The following FOXP1 variants were observed in gnomAD, a reference collection of about 807,000 sequenced individuals.
FOXP1 encodes the protein forkhead box protein P1.
FOXP1 carries 15 observed loss-of-function variants against 98.2 expected under a neutral mutation model. The ratio of observed to expected loss-of-function variants is 0.15; its 90% CI spans 0.10 to 0.24. The LOEUF is 0.24. Ranked by LOEUF, FOXP1 falls within the 10% of genes least tolerant of loss-of-function variation. The pLI is 1.00. For synonymous variants in FOXP1, 371 were observed against 314.5 expected, an observed-to-expected ratio of 1.18 and a Z score of -1.90; for missense variants, 633 against 848.5, an observed-to-expected ratio of 0.75 and a Z score of 3.15.
intron 2 of FOXP1, among the ~76,000 whole-genome samples, chr3:71,539,403 G>A (rs1578086857): frequency 2.0e-5 from 3 of 150,546 alleles, no homozygotes; most frequent in East Asian, 3.9e-4. Flanking sequence ...TTACAGGCGT[G>A]AGCCGCCGCG....
intron 3 of FOXP1, among the ~76,000 whole-genome samples, chr3:71,459,474 T>G (rs1342168055): frequency 2.6e-5 from 4 of 152,236 alleles, no homozygotes; most frequent in African/African-American, 9.6e-5. Context: ...GGGGAACAGA[T>G]GATGGAGTCT....
At chr3:71,293,404 C>A (rs1317770279) in intron 5 of FOXP1, among the ~76,000 whole-genome samples, 1 of 151,916 alleles carries the variant, frequency 6.6e-6, no homozygotes, top group Non-Finnish European at 1.5e-5. Context: ...GAGTTCGGGG[C>A]TGCAGTAAGC....
chr3:71,288,653 C>A (rs2072425900), intron 5 of FOXP1, among the ~76,000 whole-genome samples: 1 of 152,206 alleles, frequency 6.6e-6, no homozygotes, highest in Non-Finnish European at 1.5e-5. Context: ...TCCAAACCAT[C>A]AGATTAGAGA....
intron 19 of FOXP1, among the ~76,000 whole-genome samples, chr3:70,967,645 G>GTTT (rs905310255): frequency 3.5e-5 from 2 of 57,562 alleles, no homozygotes; most frequent in Admixed American, 1.7e-4. Context: ...CTTTCTTTTT[G>GTTT]TTTTTTTTTT....
intron 5 of FOXP1, among the ~76,000 whole-genome samples, chr3:71,238,800 G>C (rs1047911694): frequency 6.6e-6 from 1 of 152,160 alleles, no homozygotes; most frequent in Admixed American, 6.5e-5. Flanking sequence ...ACTTACAAGT[G>C]GCTCCCCCAC....
intron 2 of FOXP1, among the ~76,000 whole-genome samples, chr3:71,522,339 A>G (rs939321270): frequency 6.6e-6 from 1 of 152,346 alleles, no homozygotes; most frequent in Middle Eastern, 3.4e-3. Context: ...ACCCAAAGAC[A>G]GGAAATACCA....
At chr3:71,186,538 C>A (rs2062656962) in intron 6 of FOXP1, among the ~76,000 whole-genome samples, 1 of 152,174 alleles carries the variant, frequency 6.6e-6, no homozygotes, top group Non-Finnish European at 1.5e-5. Flanking sequence ...TGGTGAAACT[C>A]CGTTTCTACT....
rs186435252 is a variant in FOXP1, at chr3:71,336,502, A to C, written c.-73+22648T>G. Among the ~76,000 whole-genome samples, 17 of 152,330 alleles carry C rather than the reference A, an allele frequency of 1.1e-4. No individual in the cohort carries two copies. In the East Asian group the frequency reaches 3.1e-3, roughly 28 times the overall value. ...CCATGTGTTCGATAAAAACATGAAA[A>C]TTTAATGGTTACTTTCAGAAAAGGA... On this transcript the variant is annotated intron_variant, in intron 4 of 20. Coordinates refer to ENST00000649528, the MANE Select transcript of FOXP1 (RefSeq NM_001349338.3).
At chr3:71,410,911 G>A (rs2082679111) in intron 3 of FOXP1, among the ~76,000 whole-genome samples, 1 of 152,282 alleles carries the variant, frequency 6.6e-6, no homozygotes, top group Admixed American at 6.5e-5. Context: ...GCTCATGTTA[G>A]AAGCTGACTA....
chr3:71,309,919 T>TA (rs555278593), intron 4 of FOXP1, among the ~76,000 whole-genome samples: 13 of 151,682 alleles, frequency 8.6e-5, no homozygotes, highest in Admixed American at 3.3e-4. Flanking sequence ...GATGTGGACA[T>TA]AAAAAAAAAT....
intron 6 of FOXP1, among the ~76,000 whole-genome samples, chr3:71,195,829 A>G (rs2063266558): frequency 6.6e-6 from 1 of 152,246 alleles, no homozygotes; most frequent in Non-Finnish European, 1.5e-5. Context: ...GAAAACAACC[A>G]TAGTCCATTG....
chr3:71,571,085 A>G (rs1386432436), intron 2 of FOXP1: 1 of 152,228 alleles, frequency 6.6e-6, no homozygotes, highest in Non-Finnish European at 1.5e-5. Flanking sequence ...GTACTGTCAT[A>G]CAGTAGTAAA....
At chr3:71,101,469 G>T (rs142405324) in intron 7 of FOXP1, among the ~76,000 whole-genome samples, 2 of 152,202 alleles carry the variant, frequency 1.3e-5, no homozygotes, top group African/African-American at 4.8e-5. Flanking sequence ...ACAGCATGGA[G>T]GCCAGGGGGT....
intron 11 of FOXP1, among the ~76,000 whole-genome samples, chr3:71,025,610 C>A (rs1052677549): frequency 6.6e-6 from 1 of 152,132 alleles, no homozygotes; most frequent in Non-Finnish European, 1.5e-5. Flanking sequence ...TAATGCAAGG[C>A]TGTATTTCTT....
rs374336069 is a variant in FOXP1, at chr3:71,369,377, G to A, written c.-167-10133C>T. Reference sequence around the variant, plus strand: ...TGCACTCCAGCCTGGGCAACAGAACGAGACTCCGTCTCAAAAAAACAAAAA... The same window carrying A: ...TGCACTCCAGCCTGGGCAACAGAACAAGACTCCGTCTCAAAAAAACAAAAA... On this transcript the variant is annotated intron_variant, in intron 3 of 20. Transcript: ENST00000649528. 6.2e-3 allele frequency among the ~76,000 whole-genome samples: 938 copies of A among 152,152 alleles called. 7 individuals are homozygous for A. The highest frequency in any genetic ancestry group is 0.01 in the Non-Finnish European group (713 of 67,988).
At chr3:71,133,888 C>A (rs149163883) in intron 6 of FOXP1, among the ~76,000 whole-genome samples, 1 of 152,056 alleles carries the variant, frequency 6.6e-6, no homozygotes, top group Non-Finnish European at 1.5e-5. Context: ...AGTCACCTCA[C>A]AAACAGATTA....
intron 5 of FOXP1, among the ~76,000 whole-genome samples, chr3:71,256,154 C>T (rs1449127300): frequency 6.6e-6 from 1 of 152,150 alleles, no homozygotes; most frequent in Non-Finnish European, 1.5e-5. Context: ...GCAGGCTCAT[C>T]AAACTTGCTG....
At chr3:71,229,654 T>C (rs970255853) in intron 5 of FOXP1, among the ~76,000 whole-genome samples, 4 of 152,178 alleles carry the variant, frequency 2.6e-5, no homozygotes, top group African/African-American at 9.7e-5. Context: ...CACACTATCC[T>C]TGTAGAATAT....
chr3:70,971,301 A>G lies in FOXP1; in HGVS notation c.1653-496T>C, dbSNP rs188498005. On this transcript the variant is annotated intron_variant, in intron 18 of 20. Transcript: ENST00000649528. The stretch of plus-strand genomic sequence containing the variant: ...ATATCCACAAGGCACGTTTATTGCC[A>G]ACAGGCGATGGAGAGTAGGGTATGC... 2.6e-4 allele frequency: 50 copies of G among 191,088 alleles called. 1 individual carries two copies. The East Asian group carries it at 5.8e-3, about 22-fold the overall frequency. 11.8% of individuals were successfully genotyped at this position (191,088 alleles called of 1,614,324 possible). A position where few individuals can be genotyped will look rare whatever the true frequency, so the allele number is the denominator to read the frequency against.
Sources: gnomAD v4.1 joint callset for allele counts (sites outside exome capture counted in the v4.1 genomes callset) on GRCh38, gnomAD v4.1.1 for gene constraint, MANE v1.5 for transcripts, NCBI Gene and HGNC (gene_info 2026-07-23, HGNC 2026-07-21) for gene names.